The following CNTN3 variants were observed in gnomAD, a reference collection of about 807,000 sequenced individuals.
CNTN3 encodes contactin-3.
Under a neutral mutation model 119.1 loss-of-function variants are expected in CNTN3, and 60 were observed. The observed-to-expected ratio is 0.50, with a 90% confidence interval of 0.41 to 0.62. CNTN3 has a LOEUF of 0.62. Ranked by LOEUF, CNTN3 falls within the 20% of genes least tolerant of loss-of-function variation. The pLI is 0.00. For synonymous variants in CNTN3, 450 were observed against 438.7 expected, an observed-to-expected ratio of 1.03 and a Z score of -0.32; for missense variants, 1,101 against 1,242.4, an observed-to-expected ratio of 0.89 and a Z score of 1.71.
intron 4 of CNTN3, among the ~76,000 whole-genome samples, chr3:74,437,461 CA>C (rs1279955928): frequency 6.6e-6 from 1 of 151,186 alleles, no homozygotes; most frequent in Non-Finnish European, 1.5e-5. Flanking sequence ...GACTCTGTCT[CA>C]AAAAAATAAA....
At chr3:74,529,282 T>C (rs780495257) in intron 1 of CNTN3, among the ~76,000 whole-genome samples, 3 of 151,908 alleles carry the variant, frequency 2.0e-5, no homozygotes, top group Non-Finnish European at 4.4e-5. Context: ...TAATGTATCT[T>C]CCACGTTAAA....
chr3:74,365,503 C>T, intron 9 of CNTN3, 63 bp downstream of exon 9: 4 of 1,599,672 alleles, frequency 2.5e-6, no homozygotes, highest in Non-Finnish European at 3.4e-6. Flanking sequence ...TTGCTAAACA[C>T]CAAGTGAGGA....
intron 6 of CNTN3, among the ~76,000 whole-genome samples, chr3:74,370,524 A>G (rs2106790297): frequency 6.6e-6 from 1 of 152,248 alleles, no homozygotes; most frequent in African/African-American, 2.4e-5. Context: ...CCAATCTTAA[A>G]CTTATTAAAT....
chr3:74,280,881 G>A (rs1219529094), intron 20 of CNTN3, among the ~76,000 whole-genome samples: 2 of 152,180 alleles, frequency 1.3e-5, no homozygotes, highest in Non-Finnish European at 2.9e-5. Context: ...GGATAAAACA[G>A]GGAAGGAGAC....
chr3:74,308,616 A>ATT (rs112570778), intron 13 of CNTN3, among the ~76,000 whole-genome samples: 1 of 146,920 alleles, frequency 6.8e-6, no homozygotes, highest in African/African-American at 2.5e-5. Flanking sequence ...CAACTTGGGA[A>ATT]TTTTTTTTTT....
At chr3:74,477,299 G>A (rs1420793269) in intron 4 of CNTN3, among the ~76,000 whole-genome samples, 7 of 152,160 alleles carry the variant, frequency 4.6e-5, no homozygotes, top group Admixed American at 3.3e-4. Context: ...GTAAGCTACT[G>A]TGTCTGTGCC....
At chr3:74,512,484 T>C (rs777711264) in intron 2 of CNTN3, among the ~76,000 whole-genome samples, 23 of 151,952 alleles carry the variant, frequency 1.5e-4, no homozygotes, top group Non-Finnish European at 2.6e-4. Flanking sequence ...CTCCAGCAAG[T>C]ATTTACTTTC....
intron 1 of CNTN3, among the ~76,000 whole-genome samples, chr3:74,594,704 C>T (rs1267064758): frequency 1.3e-5 from 2 of 152,094 alleles, no homozygotes; most frequent in Admixed American, 6.6e-5. Flanking sequence ...CATTGTTGGA[C>T]ATTTGGGTTG....
intron 2 of CNTN3, among the ~76,000 whole-genome samples, chr3:74,511,333 C>T (rs945199455): frequency 7.2e-5 from 11 of 152,074 alleles, no homozygotes; most frequent in Admixed American, 5.9e-4. Flanking sequence ...CATATAATTA[C>T]TTGCAAAATA....
At chr3:74,580,767 T>C (rs1490027731) in intron 1 of CNTN3, among the ~76,000 whole-genome samples, 1 of 152,208 alleles carries the variant, frequency 6.6e-6, no homozygotes, top group East Asian at 1.9e-4. Context: ...AACATCATAC[T>C]AGTGGTGCCA....
chr3:74,459,853 C>T (rs1410090854), intron 4 of CNTN3, among the ~76,000 whole-genome samples: 1 of 152,002 alleles, frequency 6.6e-6, no homozygotes, highest in Admixed American at 6.6e-5. Flanking sequence ...TCAAAACATT[C>T]TAACAACAGC....
chr3:74,336,477 A>G, intron 12 of CNTN3, 54 bp downstream of exon 12: 1 of 1,574,036 alleles, frequency 6.4e-7, no homozygotes, highest in South Asian at 1.1e-5. Flanking sequence ...TCCTCATAAT[A>G]ATACATCTTA....
intron 5 of CNTN3, among the ~76,000 whole-genome samples, chr3:74,410,333 C>G (rs1391769632): frequency 6.6e-6 from 1 of 152,064 alleles, no homozygotes; most frequent in Non-Finnish European, 1.5e-5. Flanking sequence ...TAAGAAAACC[C>G]ATATAGATTT....
chr3:74,471,173 C>T (rs966940349), intron 4 of CNTN3, among the ~76,000 whole-genome samples: 1 of 152,136 alleles, frequency 6.6e-6, no homozygotes, highest in South Asian at 2.1e-4. Context: ...GGGAGGGGAA[C>T]ATCACACACC....
intron 13 of CNTN3, among the ~76,000 whole-genome samples, chr3:74,324,148 A>C: frequency 6.6e-6 from 1 of 151,802 alleles, no homozygotes; most frequent in Non-Finnish European, 1.5e-5. Context: ...CAATAGTGGA[A>C]CTCCAGTATG....
At chr3:74,589,915 C>T (rs1204245653) in intron 1 of CNTN3, among the ~76,000 whole-genome samples, 3 of 132,708 alleles carry the variant, frequency 2.3e-5, no homozygotes, top group Non-Finnish European at 3.1e-5. Context: ...AATGAGAACA[C>T]ATGGACACAG....
At chr3:74,478,640 G>A (rs1421062009) in intron 4 of CNTN3, among the ~76,000 whole-genome samples, 4 of 152,008 alleles carry the variant, frequency 2.6e-5, no homozygotes, top group Admixed American at 6.6e-5. Flanking sequence ...TGAGATGAGC[G>A]ACACCATAGC....
At chr3:74,465,748 C>A (rs1427724710) in intron 4 of CNTN3, among the ~76,000 whole-genome samples, 1 of 152,166 alleles carries the variant, frequency 6.6e-6, no homozygotes, top group Non-Finnish European at 1.5e-5. Flanking sequence ...TGTGAGGACA[C>A]CAGGTCGCAG....
At chr3:74,481,312 G>A (rs1702759524) in intron 4 of CNTN3, among the ~76,000 whole-genome samples, 1 of 151,648 alleles carries the variant, frequency 6.6e-6, no homozygotes, top group Non-Finnish European at 1.5e-5. Context: ...ATTTTTTTAA[G>A]GACATATGAA....
Sources: gnomAD v4.1 joint callset for allele counts (sites outside exome capture counted in the v4.1 genomes callset) on GRCh38, gnomAD v4.1.1 for gene constraint, MANE v1.5 for transcripts, NCBI Gene and HGNC (gene_info 2026-07-23, HGNC 2026-07-21) for gene names.